TENM2: variants seen among roughly 807,000 people sequenced by gnomAD.
TENM2 encodes teneurin-2.
TENM2 carries 52 observed loss-of-function variants against 245.2 expected under a neutral mutation model. The observed-to-expected ratio is 0.21, with a 90% CI of 0.17 to 0.27. The LOEUF is 0.27. Among genes scored for constraint, TENM2 ranks in the 10% least tolerant of loss-of-function variants. TENM2 has a pLI of 1.00. For synonymous variants in TENM2, 1,363 were observed against 1,438.9 expected (o/e 0.95, Z 1.19); for missense variants, 3,046 against 3,666.8 (o/e 0.83, Z 4.37).
intron 3 of TENM2, among the ~76,000 whole-genome samples, chr5:167,909,520 T>C (rs1776380821): frequency 6.6e-6 from 1 of 152,140 alleles, no homozygotes; most frequent in African/African-American, 2.4e-5. Context: ...TTGCCCTTCA[T>C]TTATAATTGT....
At chr5:168,043,337 C>T (rs73803857) in intron 5 of TENM2, among the ~76,000 whole-genome samples, 46 of 152,202 alleles carry the variant, frequency 3.0e-4, no homozygotes, top group African/African-American at 1.1e-3. Flanking sequence ...AATCCTCTTG[C>T]CTCAATCTCC....
chr5:167,596,713 G>A (rs1381165039), intron 2 of TENM2, among the ~76,000 whole-genome samples: 2 of 151,200 alleles, frequency 1.3e-5, no homozygotes, highest in Admixed American at 1.3e-4. Context: ...GGAGAGTGCT[G>A]TGAACCCGGG....
At chr5:167,000,028 T>C in the TENM2 span, among the ~76,000 whole-genome samples, 1 of 152,102 alleles carries the variant, frequency 6.6e-6, no homozygotes, top group East Asian at 1.9e-4. Context: ...CAGAGAAGAC[T>C]TTGAAGAAGC....
chr5:167,564,568 A>T (rs1225203635), intron 2 of TENM2, among the ~76,000 whole-genome samples: 2 of 152,192 alleles, frequency 1.3e-5, no homozygotes, highest in Non-Finnish European at 2.9e-5. Flanking sequence ...TTATTACTAG[A>T]TAAAAAATGC....
At chr5:167,726,229 C>T (rs1759995719) in intron 2 of TENM2, among the ~76,000 whole-genome samples, 1 of 129,044 alleles carries the variant, frequency 7.7e-6, no homozygotes, top group Non-Finnish European at 1.6e-5. Context: ...CTCCTCATTA[C>T]CTGAAGTTTA....
chr5:167,902,253 A>C (rs1305084599), intron 3 of TENM2, among the ~76,000 whole-genome samples: 1 of 152,208 alleles, frequency 6.6e-6, no homozygotes, highest in Non-Finnish European at 1.5e-5. Flanking sequence ...TTTCACCCTC[A>C]GTAAATCTAA....
At chr5:167,532,597 A>G (rs955449771) in intron 2 of TENM2, among the ~76,000 whole-genome samples, 6 of 151,870 alleles carry the variant, frequency 4.0e-5, no homozygotes, top group Non-Finnish European at 8.8e-5. Context: ...CTGCCCCCAT[A>G]ATTCAATTAC....
chr5:167,766,318 C>T (rs902214582), intron 2 of TENM2, among the ~76,000 whole-genome samples: 2 of 152,086 alleles, frequency 1.3e-5, no homozygotes, highest in Non-Finnish European at 2.9e-5. Flanking sequence ...GCATATCTAG[C>T]ACAAAACAAG....
At chr5:167,718,575 G>C (rs189966224) in intron 2 of TENM2, among the ~76,000 whole-genome samples, 1 of 152,310 alleles carries the variant, frequency 6.6e-6, no homozygotes, top group Admixed American at 6.5e-5. Flanking sequence ...GGGGGCCAAA[G>C]TCAAATACAT....
rs138426748 is a variant in TENM2, at chr5:167,770,617, G to A, written c.503-105369G>A. On this transcript the variant is annotated intron_variant, in intron 2 of 28. Coordinates refer to ENST00000518659, the Ensembl canonical transcript of TENM2. ...TCTTGTAACCACCACGTTGCACTTC[G>A]TCTGTAAGATGCATGCCTAAAATTT... Among the ~76,000 whole-genome samples, 280 of 152,268 alleles carry A rather than the reference G, an allele frequency of 1.8e-3. 1 individual carries two copies. Among genetic ancestry groups the A allele is most frequent in the Middle Eastern group, 3.4e-3 (1 of 294 alleles).
intron 27 of TENM2, among the ~76,000 whole-genome samples, chr5:168,258,999 A>G (rs922394508): frequency 6.6e-6 from 1 of 151,912 alleles, no homozygotes; most frequent in Non-Finnish European, 1.5e-5. Context: ...CCTGGCTAAC[A>G]TGGCAAAGCC....
At chr5:167,905,227 G>A (rs1294442469) in intron 3 of TENM2, among the ~76,000 whole-genome samples, 1 of 152,140 alleles carries the variant, frequency 6.6e-6, no homozygotes, top group Non-Finnish European at 1.5e-5. Context: ...CGACAGTTCG[G>A]AATACACAGG....
intron 2 of TENM2, among the ~76,000 whole-genome samples, chr5:167,754,116 T>C (rs1762130339): frequency 6.6e-6 from 1 of 152,196 alleles, no homozygotes. Context: ...AGCCCTACTT[T>C]TGGGATATGC....
chr5:168,200,031 C>T (rs1319332730), exon 17 of TENM2: 1 of 1,613,982 alleles, frequency 6.2e-7, no homozygotes, highest in African/African-American at 1.3e-5. Flanking sequence ...GGCATCTCTT[C>T]CAGAAGTCAT....
intron 2 of TENM2, among the ~76,000 whole-genome samples, chr5:167,735,595 C>G (rs997680015): frequency 6.6e-5 from 10 of 152,080 alleles, no homozygotes; most frequent in Non-Finnish European, 1.5e-5. Context: ...TCGCTTAAGC[C>G]AGAAGTTCAA....
At chr5:167,368,755 C>T (rs1275964621) in intron 1 of TENM2, among the ~76,000 whole-genome samples, 1 of 152,088 alleles carries the variant, frequency 6.6e-6, no homozygotes. Flanking sequence ...AAGAGCGCTG[C>T]TTCGTCGCGG....
intron 5 of TENM2, among the ~76,000 whole-genome samples, chr5:168,046,629 G>A (rs577549960): frequency 6.6e-6 from 1 of 152,262 alleles, no homozygotes; most frequent in South Asian, 2.1e-4. Flanking sequence ...GTGCCCATGG[G>A]AGTCAAGACT....
At chr5:168,075,681 T>C (rs945959825) in intron 7 of TENM2, among the ~76,000 whole-genome samples, 2 of 152,202 alleles carry the variant, frequency 1.3e-5, no homozygotes, top group Admixed American at 1.3e-4. Context: ...ACCCATGGTG[T>C]TGTTTGTATC....
intron 2 of TENM2, among the ~76,000 whole-genome samples, chr5:167,559,918 C>T (rs2127638505): frequency 6.6e-6 from 1 of 152,322 alleles, no homozygotes; most frequent in Middle Eastern, 3.4e-3. Context: ...AGGCACTCCA[C>T]ATTTGCTCCA....
Sources: allele counts gnomAD v4.1 joint callset (sites outside exome capture counted in the v4.1 genomes callset), GRCh38; gene constraint gnomAD v4.1.1; transcripts MANE v1.5; gene names NCBI Gene and HGNC (gene_info 2026-07-23, HGNC 2026-07-21).